Variants in ZNF518B observed in about 807,000 individuals in gnomAD.
ZNF518B encodes the protein zinc finger protein 518B.
ZNF518B carries 23 observed loss-of-function variants against 56.3 expected under a neutral mutation model. The observed-to-expected ratio is 0.41, with a 90% CI of 0.29 to 0.58. ZNF518B has a LOEUF of 0.58. Ranked by LOEUF, ZNF518B falls within the 20% of genes least tolerant of loss-of-function variation. ZNF518B has a pLI of 0.32. For missense variants in ZNF518B, 1,460 were observed against 1,272.1 expected, an observed-to-expected ratio of 1.15 and a Z score of -2.25; for synonymous variants, 529 against 465.9, an observed-to-expected ratio of 1.14 and a Z score of -1.74.
upstream of ZNF518B, among the ~76,000 whole-genome samples, chr4:10,459,007 C>T (rs1398935720): frequency 6.6e-6 from 1 of 152,190 alleles, no homozygotes; most frequent in Non-Finnish European, 1.5e-5. Context: ...ACCTGTGGGT[C>T]TCCTGGGAGT....
At position 10,444,989 on chromosome 4, in the gene ZNF518B, A is replaced by T. The variant is rs1453675701; in HGVS notation, c.1340T>A (p.Val447Glu). 2.5e-6 allele frequency: 4 copies of T among 1,614,146 alleles called. No individual in the cohort carries two copies. Among genetic ancestry groups the T allele is most frequent in the Non-Finnish European group, 2.5e-6 (3 of 1,180,020 alleles). The change falls in exon 3 of 3, where the codon GTG (valine) becomes GAG (glutamate). Residue 447 changes from valine to glutamate, a missense_variant. Transcript: ENST00000326756. ...AATGAAGGATTTTCCATTGTTGTGC[A>T]CACTAGAATTTGGCATAATAAAATC... is the stretch of plus-strand genomic sequence containing the variant. ...SYDFIMPNSS[V>E]HNNGKSFINS...
upstream of ZNF518B, among the ~76,000 whole-genome samples, chr4:10,459,923 A>G (rs1318486080): frequency 1.3e-5 from 2 of 152,098 alleles, no homozygotes; most frequent in African/African-American, 4.8e-5. Flanking sequence ...TGACTACCTA[A>G]TGTAGGAGAG....
rs150291478 is a variant in ZNF518B, at chr4:10,444,426, A to T, written c.1903T>A (p.Ser635Thr). 11 of 1,614,100 alleles carry T rather than the reference A, an allele frequency of 6.8e-6. No homozygotes were observed. The African/African-American group carries it at 1.5e-4, about 22-fold the overall frequency. The change falls in exon 3 of 3, where the codon TCA becomes ACA. Residue 635 changes from serine (S) to threonine (T), a missense_variant. Coordinates refer to ENST00000326756, the MANE Select transcript of ZNF518B (RefSeq NM_053042.3). ...NNTNDGPVIS[S>T]VFSLSSGSEN... ...GATCCAGAGCTCAGAGAAAATACTG[A>T]TGAGATGACTGGGCCATCATTAGTG... is the stretch of plus-strand genomic sequence containing the variant.
At chr4:10,449,291 AAGG>A (rs1253971578) in intron 2 of ZNF518B, among the ~76,000 whole-genome samples, 1 of 152,220 alleles carries the variant, frequency 6.6e-6, no homozygotes, top group East Asian at 1.9e-4. Flanking sequence ...GAAGAAAGGA[AAGG>A]AGATTTTTGT....
chr4:10,456,181 A>G (rs1382559268), intron 1 of ZNF518B, among the ~76,000 whole-genome samples: 1 of 152,072 alleles, frequency 6.6e-6, no homozygotes, highest in Non-Finnish European at 1.5e-5. Context: ...AATAGGACAT[A>G]ATGCTCTGTA....
At position 10,443,291 on chromosome 4, in the gene ZNF518B, A is replaced by G. The variant is rs1714767408; in HGVS notation, c.3038T>C (p.Leu1013Pro). 1.2e-6 allele frequency: 2 copies of G among 1,614,032 alleles called. No individual in the cohort carries two copies. The highest frequency in any genetic ancestry group is 4.5e-5 in the East Asian group (2 of 44,884). Residue 1013 changes from leucine (L) to proline (P), a missense_variant, in exon 3 of 3, where the codon CTC becomes CCC. Physicochemically the swap from Leu to Pro is moderately conservative, Grantham distance 98. Coordinates refer to ENST00000326756, the MANE Select transcript of ZNF518B (RefSeq NM_053042.3). ...GTAGTTGTTTTTATGAACTTTTTTG[A>G]GTTTCATTTTCAACATCATTTGCCT... ...IKRQMMLKMKLKKVHKNNYQV... is the reference protein window; with the variant it reads ...IKRQMMLKMKPKKVHKNNYQV...
At chr4:10,448,296 AG>A (rs1560173050) in intron 2 of ZNF518B, among the ~76,000 whole-genome samples, 1 of 152,182 alleles carries the variant, frequency 6.6e-6, no homozygotes, top group Non-Finnish European at 1.5e-5. Context: ...GTGGCAACAC[AG>A]GTAGCTTCCT....
chr4:10,449,719 GAGAA>G (rs1428742885), intron 2 of ZNF518B, among the ~76,000 whole-genome samples: 1 of 152,214 alleles, frequency 6.6e-6, no homozygotes, highest in Non-Finnish European at 1.5e-5. Context: ...ACTAGTGTGT[GAGAA>G]AGAAACCTGC....
At chr4:10,451,162 A>G (rs1715286188) in intron 2 of ZNF518B, 1 of 152,182 alleles carries the variant, frequency 6.6e-6, no homozygotes, top group Non-Finnish European at 1.5e-5. Flanking sequence ...CTGTTTTCTT[A>G]AAGACTTATT....
upstream of ZNF518B, among the ~76,000 whole-genome samples, chr4:10,459,493 C>T (rs535829825): frequency 2.0e-5 from 3 of 152,158 alleles, no homozygotes; most frequent in East Asian, 1.9e-4. Flanking sequence ...CAGAAAAATA[C>T]GTTGAAGCGC....
At chr4:10,453,636 G>C (rs1052266498) in intron 2 of ZNF518B, 1 of 152,108 alleles carries the variant, frequency 6.6e-6, no homozygotes, top group Non-Finnish European at 1.5e-5. Context: ...AAATAAGGTA[G>C]TATCACACGG....
rs566137920 is a variant in ZNF518B, at chr4:10,440,970, C to T, written c.*2134G>A. On this transcript the variant is annotated 3_prime_UTR_variant, in exon 3 of 3. Coordinates refer to ENST00000326756, the MANE Select transcript of ZNF518B (RefSeq NM_053042.3). Reference sequence around the variant, plus strand: ...ACAATATATAACATGGATAAAACTTCGAATGCTCTACGTAGTGAAGTGGTA... The same window carrying T: ...ACAATATATAACATGGATAAAACTTTGAATGCTCTACGTAGTGAAGTGGTA... The T allele has an allele frequency of 8.1e-4, 103 of 126,762 alleles. No homozygotes were observed. Among genetic ancestry groups the T allele is most frequent in the African/African-American group, 3.1e-3 (96 of 30,966 alleles). The allele number at this position is 126,762 out of a possible 1,614,324, so 7.9% of individuals were successfully genotyped here.
rs1577221233 is a variant in ZNF518B at position 10,444,785 on chromosome 4, T to C, written c.1544A>G (p.Glu515Gly). ...GCTACTGTGTAAATTTCTTCCACTT[T>C]CAGCAAAACAAACAGCAGCTTTATA... is the stretch of plus-strand genomic sequence containing the variant. The part of the protein sequence containing the change: ...FPYKAAVCFA[E>G]SGRNLHSSSQ... The change falls in exon 3 of 3, where the codon GAA becomes GGA. Residue 515 changes from glutamate to glycine, a missense_variant. Transcript: ENST00000326756. The C allele has an allele frequency of 1.2e-6, 2 of 1,613,828 alleles. No homozygotes were observed. The highest frequency in any genetic ancestry group is 1.7e-5 in the Admixed American group (1 of 59,960).
intron 2 of ZNF518B, chr4:10,453,063 G>C (rs1402144151): frequency 2.0e-5 from 3 of 152,200 alleles, no homozygotes; most frequent in African/African-American, 4.8e-5. Flanking sequence ...TAGGTGTTTG[G>C]TTTACTAGCA....
At chr4:10,450,782 C>T (rs763612068) in intron 2 of ZNF518B, 5 of 152,278 alleles carry the variant, frequency 3.3e-5, no homozygotes, top group South Asian at 2.1e-4. Context: ...GTTTGCCTAC[C>T]GTGCAAACTC....
At position 10,445,454 on chromosome 4, in the gene ZNF518B, G is replaced by A. The variant is rs574142100; in HGVS notation, c.875C>T (p.Pro292Leu). ...TGGCTCAGACAGGGTCATTTTATTT[G>A]GAATACAAACTACATCTTTTTGGTA... The part of the protein sequence containing the change: ...KEYQKDVVCI[P>L]NKMTLSEPNE... The change falls in exon 3 of 3, where the codon CCA (proline) becomes CTA (leucine). Residue 292 changes from proline to leucine, a missense_variant. Transcript: ENST00000326756. 1 of 1,614,126 alleles carries A rather than the reference G, an allele frequency of 6.2e-7. No homozygotes were observed. The highest frequency in any genetic ancestry group is 2.2e-5 in the East Asian group (1 of 44,882).
Position 10,444,329 on chromosome 4 carries a change from C to T in ZNF518B, c.2000G>A (p.Arg667Lys), listed in dbSNP as rs760030557. Residue 667 changes from arginine (R) to lysine (K), a missense_variant, in exon 3 of 3, where the codon AGA becomes AAA. Physicochemically the swap from Arg to Lys is conservative, Grantham distance 26 (BLOSUM62 2). Transcript: ENST00000326756. The stretch of plus-strand genomic sequence containing the variant: ...GGACTCAATTAACTGAGCTATCTTT[C>T]TGCGCAACAGTTCAATTGACTTTAT... Reference protein sequence around the residue: ...SKIKSIELLRRKIAQLIESCG... With the variant: ...SKIKSIELLRKKIAQLIESCG... 1 of 1,614,076 alleles carries T rather than the reference C, an allele frequency of 6.2e-7. No homozygotes were observed. The highest frequency in any genetic ancestry group is 2.2e-5 in the East Asian group (1 of 44,900).
At position 10,444,676 on chromosome 4, in the gene ZNF518B, ATTTTCACTTACAGGCAATAAGCCC is replaced by A; in HGVS notation, c.1629_1652del (p.Lys543_Glu550del). 3 of 1,614,194 alleles carry A rather than the reference ATTTTCACTTACAGGCAATAAGCCC, an allele frequency of 1.9e-6. No individual in the cohort carries two copies. Among genetic ancestry groups the A allele is most frequent in the Non-Finnish European group, 2.5e-6 (3 of 1,180,034 alleles). ...TGACTTTACTTGTAGATTCCAAGTC[ATTTTCACTTACAGGCAATAAGCCC>A]TTTTCTCCAGAGAAGGAACAGGTTG... On this transcript the variant is annotated inframe_deletion, in exon 3 of 3. Transcript: ENST00000326756.
In ZNF518B at chr4:10,443,380, T is replaced by C; in HGVS notation, c.2949A>G (p.Leu983=). ...VVLSERTRCQ[L]GIRRHHVRLT... ...GGCGTACATGATGCCGTCTGATGCC[T>C]AGCTGACACCTAGTCCTCTCTGATA... Residue 983 remains leucine (L), a synonymous_variant, in exon 3 of 3, where the codon CTA becomes CTG. Coordinates refer to ENST00000326756, the MANE Select transcript of ZNF518B (RefSeq NM_053042.3). 1 of 1,614,274 alleles carries C rather than the reference T, an allele frequency of 6.2e-7. No individual in the cohort carries two copies. The highest frequency in any genetic ancestry group is 8.5e-7 in the Non-Finnish European group (1 of 1,180,044).
Sources: gnomAD v4.1 joint callset for allele counts (sites outside exome capture counted in the v4.1 genomes callset) on GRCh38, gnomAD v4.1.1 for gene constraint, MANE v1.5 for transcripts, NCBI Gene and HGNC (gene_info 2026-07-23, HGNC 2026-07-21) for gene names.